The following SAMD3 variants were observed in gnomAD, a reference collection of about 807,000 sequenced individuals.
SAMD3 encodes the protein sterile alpha motif domain containing 3.
Under a neutral mutation model 58.5 loss-of-function variants are expected in SAMD3, and 63 were observed. That is an observed-to-expected ratio of 1.08 (90% CI 0.88 to 1.33). SAMD3 has a LOEUF of 1.33. SAMD3 is among the 40% of genes most tolerant of loss of function. The pLI is 0.00. For synonymous variants in SAMD3, 220 were observed against 210.3 expected, an observed-to-expected ratio of 1.05 and a Z score of -0.40; for missense variants, 604 against 608.4, an observed-to-expected ratio of 0.99 and a Z score of 0.08.
intron 1 of SAMD3, among the ~76,000 whole-genome samples, chr6:130,343,920 GCACCACTGTAATCCAGCCTGGGCGA>G (rs1166277093): frequency 3.8e-4 from 57 of 151,520 alleles, no homozygotes; most frequent in Admixed American, 3.4e-3. Flanking sequence ...AACCGAGGTC[GCACCACTGTAATCCAGCCTGGGCGA>G]CAAAGTGAGA....
Position 130,144,820 on chromosome 6 carries a change from G to T in SAMD3, c.1279-16C>A. 2 of 1,601,700 alleles carry T rather than the reference G, an allele frequency of 1.2e-6. No individual in the cohort carries two copies. The highest frequency in any genetic ancestry group is 2.2e-5 in the East Asian group (1 of 44,640). On this transcript the variant is annotated splice_polypyrimidine_tract_variant and intron_variant, in intron 11 of 11. Transcript: ENST00000439090. ...ACACTTGCACCTGAAAAAAAGAGTG[G>T]AGTCATTACCATGATACGTAAAATA...
chr6:130,239,843 G>A (rs909477103), intron 2 of SAMD3, among the ~76,000 whole-genome samples: 5 of 152,118 alleles, frequency 3.3e-5, no homozygotes, highest in Admixed American at 6.5e-5. Flanking sequence ...AATGTGCCAA[G>A]CCACCTGACA....
chr6:130,253,491 A>G (rs1773814517), intron 2 of SAMD3, among the ~76,000 whole-genome samples: 1 of 152,182 alleles, frequency 6.6e-6, no homozygotes, highest in Non-Finnish European at 1.5e-5. Flanking sequence ...GGGCTTAAAA[A>G]TCATTAACAA....
rs190931850 is a variant in SAMD3, at chr6:130,175,800, A to G, written c.822+41T>C. On this transcript the variant is annotated intron_variant, in intron 8 of 11. Coordinates refer to ENST00000439090, the MANE Select transcript of SAMD3 (RefSeq NM_001017373.4). ...TTTATTATCCCTTAATCAATATATCAATCTATCAAGTCATCAGAACATTTA... is the reference window on the plus strand; with the variant it reads ...TTTATTATCCCTTAATCAATATATCGATCTATCAAGTCATCAGAACATTTA... The G allele has an allele frequency of 3.5e-4, 453 of 1,277,050 alleles. 2 individuals are homozygous for G. The African/African-American group carries it at 6.2e-3, about 17-fold the overall frequency. The allele number at this position is 1,277,050 out of a possible 1,614,324, so 79.1% of individuals were successfully genotyped here. A position where few individuals can be genotyped will look rare whatever the true frequency, so the allele number is the denominator to read the frequency against.
At chr6:130,339,046 C>T (rs989125623) in intron 1 of SAMD3, among the ~76,000 whole-genome samples, 1 of 151,958 alleles carries the variant, frequency 6.6e-6, no homozygotes. Flanking sequence ...CTCATCTTTT[C>T]GTTTTGTTTT....
chr6:130,358,482 T>C (rs1044515316), intron 1 of SAMD3, among the ~76,000 whole-genome samples: 4 of 152,290 alleles, frequency 2.6e-5, no homozygotes, highest in East Asian at 1.9e-4. Flanking sequence ...TTCCAAAATC[T>C]GTCATTTATC....
At chr6:130,162,142 C>T (rs1790333840) in intron 8 of SAMD3, 3 of 638,560 alleles carry the variant, frequency 4.7e-6, no homozygotes, top group East Asian at 5.5e-5. Context: ...GTATGCTATG[C>T]TTCCTTTACC....
chr6:130,184,146 A>G lies in SAMD3; in HGVS notation c.611T>C (p.Leu204Pro). The G allele has an allele frequency of 6.2e-7, 1 of 1,614,116 alleles. No individual in the cohort carries two copies. Among genetic ancestry groups the G allele is most frequent in the Non-Finnish European group, 8.5e-7 (1 of 1,179,976 alleles). ...ATCCAGGAAAGGGTGGGCCTGCAGC[A>G]GGGCATTAACCACGTCATTGTACTG... is the stretch of plus-strand genomic sequence containing the variant. ...TQQYNDVVNALLQAHPFLDED... is the reference protein window; with the variant it reads ...TQQYNDVVNAPLQAHPFLDED... The change falls in exon 7 of 12, where the codon CTG (leucine) becomes CCG (proline). Residue 204 changes from leucine (L) to proline (P), a missense_variant. Transcript: ENST00000439090.
upstream of SAMD3, chr6:130,365,789 C>G (rs577226499): frequency 1.0e-6 from 1 of 985,472 alleles, no homozygotes; most frequent in South Asian, 4.7e-5. Flanking sequence ...AACTTTGTGG[C>G]CGGGACGCGG....
intron 2 of SAMD3, among the ~76,000 whole-genome samples, chr6:130,286,916 C>T (rs879638173): frequency 2.6e-5 from 4 of 152,110 alleles, no homozygotes; most frequent in Non-Finnish European, 5.9e-5. Flanking sequence ...CACCATGCTG[C>T]CCAGACTGGT....
chr6:130,208,252 T>A lies in SAMD3; in HGVS notation c.383+1243A>T, dbSNP rs186539055. 3.9e-5 allele frequency among the ~76,000 whole-genome samples: 6 copies of A among 152,358 alleles called. No individual in the cohort carries two copies. The East Asian group carries it at 1.2e-3, about 29-fold the overall frequency. On this transcript the variant is annotated intron_variant, in intron 5 of 11. Coordinates refer to ENST00000439090, the MANE Select transcript of SAMD3 (RefSeq NM_001017373.4). ...GTGTGCAAGGTGACAGTCTCTCTTT[T>A]CAATGAACTACGTTTAAGGCATTGC...
At chr6:130,202,226 T>G (rs1350079615) in intron 5 of SAMD3, among the ~76,000 whole-genome samples, 1 of 152,128 alleles carries the variant, frequency 6.6e-6, no homozygotes, top group Non-Finnish European at 1.5e-5. Context: ...TATCACCTAG[T>G]CAAAGTTGAA....
chr6:130,306,289 G>A (rs62433912), intron 2 of SAMD3, among the ~76,000 whole-genome samples: 25,683 of 152,202 alleles, frequency 0.17, 2,430 homozygotes, highest in East Asian at 0.36. Context: ...GCAAGAAGGT[G>A]AAATTTAAAA....
At chr6:130,291,342 T>C (rs1775354551) in intron 2 of SAMD3, among the ~76,000 whole-genome samples, 1 of 152,194 alleles carries the variant, frequency 6.6e-6, no homozygotes, top group Non-Finnish European at 1.5e-5. Flanking sequence ...TGACCTCAGG[T>C]GATCCACTCG....
Position 130,210,929 on chromosome 6 carries a change from G to T in SAMD3, c.270-1321C>A, listed in dbSNP as rs758468737. Among the ~76,000 whole-genome samples the T allele has an allele frequency of 7.9e-5, 12 of 152,024 alleles. No individual in the cohort carries two copies. In the South Asian group the frequency reaches 1.0e-3, roughly 13 times the overall value. Reference sequence around the variant, plus strand: ...CGGTCAGGAGATTAAGACCATCCTGGCTAATATGATGAAACCCTGTCTCTA... The same window carrying T: ...CGGTCAGGAGATTAAGACCATCCTGTCTAATATGATGAAACCCTGTCTCTA... On this transcript the variant is annotated intron_variant, in intron 4 of 11. Coordinates refer to ENST00000439090, the MANE Select transcript of SAMD3 (RefSeq NM_001017373.4).
chr6:130,215,358 T>G, intron 2 of SAMD3, 64 bp from the exon 3 acceptor site: 1 of 1,315,758 alleles, frequency 7.6e-7, no homozygotes, highest in Middle Eastern at 1.9e-4. Context: ...AATTTTTTTT[T>G]TAACAGTCAG....
intron 2 of SAMD3, among the ~76,000 whole-genome samples, chr6:130,298,989 A>G (rs1227026910): frequency 6.6e-6 from 1 of 152,152 alleles, no homozygotes; most frequent in African/African-American, 2.4e-5. Flanking sequence ...AAAGAGAAAG[A>G]TAGACAGTGA....
At chr6:130,311,013 C>A (rs953642473) in intron 2 of SAMD3, among the ~76,000 whole-genome samples, 6 of 152,060 alleles carry the variant, frequency 3.9e-5, no homozygotes, top group Non-Finnish European at 8.8e-5. Flanking sequence ...CGAGGTGTAC[C>A]TTGGATGTAT....
chr6:130,361,891 A>T (rs1464743943), intron 1 of SAMD3, among the ~76,000 whole-genome samples: 1 of 152,242 alleles, frequency 6.6e-6, no homozygotes, highest in African/African-American at 2.4e-5. Context: ...AATGTTTTAC[A>T]ACTATAATTT....
Sources: allele counts gnomAD v4.1 joint callset (sites outside exome capture counted in the v4.1 genomes callset), GRCh38; gene constraint gnomAD v4.1.1; transcripts MANE v1.5; gene names NCBI Gene and HGNC (gene_info 2026-07-23, HGNC 2026-07-21).